Variants in DUS2 observed in about 807,000 individuals in gnomAD.
DUS2 encodes the protein tRNA-dihydrouridine(20) synthase [NAD(P)+]-like.
Under a neutral mutation model 71.3 loss-of-function variants are expected in DUS2, and 52 were observed. The ratio of observed to expected loss-of-function variants is 0.73; its 90% CI spans 0.58 to 0.92. The LOEUF (loss-of-function observed/expected upper bound fraction) is 0.92, where lower values mean the gene tolerates loss of function less well. DUS2 is among the 40% of genes least tolerant of loss of function. DUS2 has a pLI of 0.00. For synonymous variants in DUS2, 204 were observed against 227.8 expected, an observed-to-expected ratio of 0.90 and a Z score of 0.94; for missense variants, 558 against 622.6, an observed-to-expected ratio of 0.90 and a Z score of 1.10.
At chr16:68,071,662 G>C (rs544960759) in intron 12 of DUS2, among the ~76,000 whole-genome samples, 4 of 146,736 alleles carry the variant, frequency 2.7e-5, no homozygotes, top group African/African-American at 1.0e-4. Flanking sequence ...TTTTGAGATG[G>C]GGTCTTGCTC....
intron 2 of DUS2, among the ~76,000 whole-genome samples, chr16:68,032,869 A>G (rs1305882095): frequency 8.0e-6 from 1 of 124,386 alleles, no homozygotes; most frequent in Non-Finnish European, 1.6e-5. Flanking sequence ...AGATTGCGCC[A>G]CTGCACTCCA....
At chr16:68,035,501 G>A (rs955415339) in intron 2 of DUS2, among the ~76,000 whole-genome samples, 1 of 151,178 alleles carries the variant, frequency 6.6e-6, no homozygotes, top group African/African-American at 2.4e-5. Flanking sequence ...TTCTGCCTCA[G>A]CCTTCCAAAT....
intron 2 of DUS2, among the ~76,000 whole-genome samples, chr16:68,030,177 T>G (rs952866016): frequency 6.6e-6 from 1 of 152,124 alleles, no homozygotes; most frequent in African/African-American, 2.4e-5. Flanking sequence ...ATTAATGGGA[T>G]TATGAAAGTT....
At chr16:68,049,755 C>T (rs567012718) in intron 4 of DUS2, among the ~76,000 whole-genome samples, 40 of 152,166 alleles carry the variant, frequency 2.6e-4, no homozygotes, top group Non-Finnish European at 4.3e-4. Flanking sequence ...GCCTTTCACT[C>T]ACAGGCTTGC....
Position 68,031,814 on chromosome 16 carries a change from C to A in DUS2, c.-18-6192C>A, listed in dbSNP as rs147418816. 3.6e-3 allele frequency among the ~76,000 whole-genome samples: 545 copies of A among 152,270 alleles called. 13 individuals carry two copies. In the East Asian group the frequency reaches 0.075, roughly 21 times the overall value. On this transcript the variant is annotated intron_variant, in intron 2 of 16. Transcript: ENST00000565263. ...GGTTTGAGTGATTCTCCTGCTTCAG[C>A]CTCCCGAGTAGCTGGGATTGCAGGT...
chr16:68,029,396 A>C (rs979079026), intron 2 of DUS2, among the ~76,000 whole-genome samples: 1 of 151,502 alleles, frequency 6.6e-6, no homozygotes, highest in African/African-American at 2.4e-5. Context: ...TCTTGCCTCA[A>C]CCTCCCAGTG....
At chr16:68,050,881 C>T (rs2033769194) in intron 4 of DUS2, among the ~76,000 whole-genome samples, 1 of 152,170 alleles carries the variant, frequency 6.6e-6, no homozygotes, top group African/African-American at 2.4e-5. Flanking sequence ...TATAAACACA[C>T]AAATATTTTG....
Position 68,050,931 on chromosome 16 carries a change from G to C in DUS2, c.172+1381G>C, listed in dbSNP as rs550045682. 5.9e-5 allele frequency among the ~76,000 whole-genome samples: 9 copies of C among 152,336 alleles called. No homozygotes were observed. In the East Asian group the frequency reaches 1.7e-3, roughly 29 times the overall value. ...TACTTCTTACTGCCAGTCATGAGCT[G>C]TCTCTGTCAGTGATCACTTTGATTA... On this transcript the variant is annotated intron_variant, in intron 4 of 16. Coordinates refer to ENST00000565263, the MANE Select transcript of DUS2 (RefSeq NM_017803.5).
chr16:68,034,863 G>A (rs1404733421), intron 2 of DUS2, among the ~76,000 whole-genome samples: 1 of 152,144 alleles, frequency 6.6e-6, no homozygotes, highest in African/African-American at 2.4e-5. Context: ...GGGCATGGTG[G>A]CGCATGCCTG....
rs200057240 is a variant in DUS2 at position 68,038,875 on chromosome 16, T to A, written c.126+726T>A. Among the ~76,000 whole-genome samples the A allele has an allele frequency of 8.0e-5, 12 of 149,138 alleles. No homozygotes were observed. The East Asian group carries it at 2.0e-3, about 25-fold the overall frequency. On this transcript the variant is annotated intron_variant, in intron 3 of 16. Coordinates refer to ENST00000565263, the MANE Select transcript of DUS2 (RefSeq NM_017803.5). ...ACCAGCCTGGGCAATATAGTGAGACTCTATCTCTTTTTTTAAAAAAATTTA... is the reference window on the plus strand; with the variant it reads ...ACCAGCCTGGGCAATATAGTGAGACACTATCTCTTTTTTTAAAAAAATTTA...
intron 3 of DUS2, among the ~76,000 whole-genome samples, 160 bp downstream of exon 3, chr16:68,038,309 T>C (rs2033565171): frequency 6.6e-6 from 1 of 151,954 alleles, no homozygotes; most frequent in South Asian, 2.1e-4. Flanking sequence ...CACTGATGAG[T>C]CTTGTGAACC....
intron 8 of DUS2, among the ~76,000 whole-genome samples, chr16:68,062,068 T>C (rs1598313698): frequency 6.6e-6 from 1 of 152,294 alleles, no homozygotes; most frequent in African/African-American, 2.4e-5. Context: ...TGGAGTGCAG[T>C]GGCACAATCT....
chr16:68,078,583 C>A, intron 16 of DUS2, 65 bp downstream of exon 16: 3 of 1,565,290 alleles, frequency 1.9e-6, no homozygotes, highest in Non-Finnish European at 2.6e-6. Context: ...TCTGCCCACA[C>A]ATCCAGCATT....
intron 15 of DUS2, chr16:68,078,034 T>C: frequency 4.2e-6 from 1 of 240,412 alleles, no homozygotes; most frequent in Non-Finnish European, 8.2e-6. Flanking sequence ...GCCTCGCTCC[T>C]TCCAGTTTCA....
At position 68,076,719 on chromosome 16, in the gene DUS2, G is replaced by A. The variant is rs199795554; in HGVS notation, c.1170G>A (p.Thr390=). The change falls in exon 15 of 17, where the codon ACG becomes ACA. Residue 390 remains threonine, a splice_region_variant and synonymous_variant. Transcript: ENST00000565263. ...AGTTGGCACAGCCTGTGTATGAAAC[G>A]GTGAGTTCCTGGCTGTGGCCTGCCC... ...REKLAQPVYE[T]VQRPLDRLFS... 38 of 1,613,188 alleles carry A rather than the reference G, an allele frequency of 2.4e-5. No homozygotes were observed. Among genetic ancestry groups the A allele is most frequent in the Non-Finnish European group, 2.9e-5 (34 of 1,179,420 alleles).
intron 7 of DUS2, 92 bp from the exon 8 acceptor site, chr16:68,060,974 C>G: frequency 7.9e-7 from 1 of 1,265,748 alleles, no homozygotes; most frequent in Non-Finnish European, 1.1e-6. Flanking sequence ...GAAGTGAGTG[C>G]CGGGGTGACG....
At chr16:68,034,514 A>G (rs1215731644) in intron 2 of DUS2, among the ~76,000 whole-genome samples, 1 of 152,038 alleles carries the variant, frequency 6.6e-6, no homozygotes, top group Non-Finnish European at 1.5e-5. Context: ...CACCACCCCC[A>G]GCTAATTTTA....
At chr16:68,057,461 G>T (rs918457197) in intron 7 of DUS2, among the ~76,000 whole-genome samples, 1 of 151,714 alleles carries the variant, frequency 6.6e-6, no homozygotes, top group Admixed American at 6.6e-5. Context: ...GGCCGGGAGT[G>T]GTGGCCCACA....
rs148601058 is a variant in DUS2 at position 68,078,721 on chromosome 16, C to T, written c.1245-28C>T. On this transcript the variant is annotated intron_variant, in intron 16 of 16. Transcript: ENST00000565263. ...GGCCTCATAGCCCTGCACCCTGCCC[C>T]TCACCTTATTGCCCTCTGTCTGCTC... The T allele has an allele frequency of 6.4e-3, 10,189 of 1,587,688 alleles. 79 individuals carry two copies. The highest frequency in any genetic ancestry group is 0.013 in the South Asian group (1,190 of 88,880).
Sources: allele counts gnomAD v4.1 joint callset (sites outside exome capture counted in the v4.1 genomes callset), GRCh38; gene constraint gnomAD v4.1.1; transcripts MANE v1.5; gene names NCBI Gene and HGNC (gene_info 2026-07-23, HGNC 2026-07-21).